SNTG1: variants seen among roughly 807,000 people sequenced by gnomAD.
The protein encoded by SNTG1 is gamma-1-syntrophin.
In SNTG1, 39 loss-of-function variants were observed where a neutral mutation model predicts 74.7. The ratio of observed to expected loss-of-function variants is 0.52; its 90% confidence interval spans 0.40 to 0.68. The LOEUF (loss-of-function observed/expected upper bound fraction) is 0.68, where lower values mean the gene tolerates loss of function less well. Ranked by LOEUF, SNTG1 falls within the 30% of genes least tolerant of loss-of-function variation. The pLI is 0.00. For missense variants in SNTG1, 685 were observed against 609.5 expected (o/e 1.12, Z -1.30); for synonymous variants, 254 against 217.1 (o/e 1.17, Z -1.49).
chr8:50,264,058 T>G (rs2087329237), intron 2 of SNTG1, among the ~76,000 whole-genome samples: 1 of 152,084 alleles, frequency 6.6e-6, no homozygotes, highest in Non-Finnish European at 1.5e-5. Context: ...ATATGAAAAT[T>G]AAACATTAAG....
chr8:50,039,372 A>C (rs980039062), intron 1 of SNTG1, among the ~76,000 whole-genome samples: 3 of 142,646 alleles, frequency 2.1e-5, no homozygotes, highest in African/African-American at 7.7e-5. Context: ...GGAGAATGGC[A>C]TGAACCTGGG....
intron 2 of SNTG1, among the ~76,000 whole-genome samples, chr8:50,352,397 C>CT (rs34505907): frequency 0.012 from 1,692 of 146,190 alleles, 20 homozygotes; most frequent in African/African-American, 0.031. Flanking sequence ...CGTTCTTTCT[C>CT]TTTTTTTTTT....
intron 11 of SNTG1, among the ~76,000 whole-genome samples, chr8:50,550,180 C>G (rs1015945501): frequency 1.3e-5 from 2 of 152,132 alleles, no homozygotes. Context: ...ACAAATCTAG[C>G]CACTCTGGCC....
chr8:50,148,386 T>G (rs368119239), intron 1 of SNTG1, among the ~76,000 whole-genome samples: 1 of 152,152 alleles, frequency 6.6e-6, no homozygotes, highest in Non-Finnish European at 1.5e-5. Context: ...AAGTGAGAAA[T>G]AGTAACTTTA....
At chr8:50,368,035 C>T (rs1024713964) in intron 2 of SNTG1, among the ~76,000 whole-genome samples, 1 of 152,084 alleles carries the variant, frequency 6.6e-6, no homozygotes, top group African/African-American at 2.4e-5. Context: ...AAAGGCAATT[C>T]TGGTAAGGGA....
intron 13 of SNTG1, among the ~76,000 whole-genome samples, chr8:50,624,336 A>ATT (rs79237674): frequency 6.7e-6 from 1 of 150,280 alleles, no homozygotes; most frequent in African/African-American, 2.5e-5. Context: ...AAAAAATTAT[A>ATT]TTTTTTTTCA....
chr8:50,448,986 C>A (rs987633318), intron 5 of SNTG1, among the ~76,000 whole-genome samples: 1 of 152,116 alleles, frequency 6.6e-6, no homozygotes, highest in African/African-American at 2.4e-5. Context: ...CAAGATCGCG[C>A]CATGGCACTC....
chr8:50,501,005 A>G (rs191108670), intron 8 of SNTG1, among the ~76,000 whole-genome samples: 34 of 152,218 alleles, frequency 2.2e-4, no homozygotes, highest in Non-Finnish European at 4.7e-4. Flanking sequence ...CTGGGCACGT[A>G]TGAGGAGGTA....
chr8:50,180,674 A>T (rs758817465), intron 2 of SNTG1, among the ~76,000 whole-genome samples: 1 of 150,126 alleles, frequency 6.7e-6, no homozygotes, highest in Non-Finnish European at 1.5e-5. Context: ...GCCCATCCTA[A>T]TTATTCCTTT....
chr8:49,918,389 C>T (rs1397497563), intron 1 of SNTG1, among the ~76,000 whole-genome samples: 1 of 152,012 alleles, frequency 6.6e-6, no homozygotes, highest in Non-Finnish European at 1.5e-5. Context: ...CTACAATAAC[C>T]CAGATAATAA....
rs528708543 is a variant in SNTG1, at chr8:50,693,934, C to A, written c.1039-10666C>A. Among the ~76,000 whole-genome samples the A allele has an allele frequency of 2.6e-5, 4 of 151,952 alleles. No individual in the cohort carries two copies. The South Asian group carries it at 8.3e-4, about 32-fold the overall frequency. On this transcript the variant is annotated intron_variant, in intron 15 of 18. Transcript: ENST00000642720. ...AAATGAAAATGAAAACATAACATAC[C>A]AAAACCTATGGGATACAGAAAAGCA...
At chr8:50,120,320 A>C (rs1260940316) in intron 1 of SNTG1, among the ~76,000 whole-genome samples, 1 of 139,634 alleles carries the variant, frequency 7.2e-6, no homozygotes, top group Non-Finnish European at 1.6e-5. Context: ...ACCACTACTG[A>C]AACTACCAGT....
intron 2 of SNTG1, among the ~76,000 whole-genome samples, chr8:50,379,405 A>G (rs1307954468): frequency 6.6e-6 from 1 of 152,102 alleles, no homozygotes; most frequent in Non-Finnish European, 1.5e-5. Flanking sequence ...GGGCAGCTGC[A>G]GTTGTGCCGA....
intron 2 of SNTG1, among the ~76,000 whole-genome samples, chr8:50,345,830 T>C (rs1322919575): frequency 6.6e-6 from 1 of 152,260 alleles, no homozygotes; most frequent in Non-Finnish European, 1.5e-5. Flanking sequence ...TTCTTTTTGG[T>C]TAATATTCTC....
intron 13 of SNTG1, among the ~76,000 whole-genome samples, chr8:50,647,798 C>T (rs1328303908): frequency 6.6e-6 from 1 of 152,036 alleles, no homozygotes; most frequent in African/African-American, 2.4e-5. Context: ...TGGAAGTCCT[C>T]TTGTCATTTA....
At chr8:50,577,287 A>G (rs1163893303) in intron 12 of SNTG1, among the ~76,000 whole-genome samples, 1 of 152,084 alleles carries the variant, frequency 6.6e-6, no homozygotes, top group Admixed American at 6.6e-5. Flanking sequence ...ATTGATTTTC[A>G]TGTGTTGAAC....
intron 1 of SNTG1, among the ~76,000 whole-genome samples, chr8:50,004,887 C>A (rs1160017722): frequency 6.6e-6 from 1 of 152,114 alleles, no homozygotes; most frequent in Admixed American, 6.6e-5. Flanking sequence ...CAAACCAAAG[C>A]AGAGAAAATG....
chr8:50,112,509 TTC>T (rs1158613958), intron 1 of SNTG1, among the ~76,000 whole-genome samples: 80 of 122,940 alleles, frequency 6.5e-4, no homozygotes, highest in African/African-American at 2.2e-3. Context: ...AAGTATTTAG[TTC>T]TTTCTTTTTT....
intron 1 of SNTG1, among the ~76,000 whole-genome samples, chr8:50,104,120 A>G (rs2080266294): frequency 6.6e-6 from 1 of 152,178 alleles, no homozygotes; most frequent in East Asian, 1.9e-4. Context: ...TGATTGGAAT[A>G]GTTTCAGAAG....
Sources: allele counts gnomAD v4.1 joint callset (sites outside exome capture counted in the v4.1 genomes callset), GRCh38; gene constraint gnomAD v4.1.1; transcripts MANE v1.5; gene names NCBI Gene and HGNC (gene_info 2026-07-23, HGNC 2026-07-21).